The following HECTD4 variants were observed in gnomAD, a reference collection of about 807,000 sequenced individuals.
HECTD4 encodes the protein HECT domain E3 ubiquitin protein ligase 4, also known as probable E3 ubiquitin-protein ligase HECTD4.
Under a neutral mutation model 471.5 loss-of-function variants are expected in HECTD4, and 114 were observed. The ratio of observed to expected loss-of-function variants is 0.24; its 90% CI spans 0.21 to 0.28. The LOEUF is 0.28. HECTD4 is among the 10% of genes least tolerant of loss of function. The probability of loss-of-function intolerance (pLI) is 1.00; values close to 1 mark genes in which losing one functional copy is unlikely to be tolerated. For missense variants in HECTD4, 3,866 were observed against 5,651.5 expected (o/e 0.68, Z 10.13); for synonymous variants, 2,012 against 2,256.0 (o/e 0.89, Z 3.07).
chr12:112,360,218 C>A (rs2036424327), intron 1 of HECTD4, among the ~76,000 whole-genome samples: 1 of 152,154 alleles, frequency 6.6e-6, no homozygotes, highest in Non-Finnish European at 1.5e-5. Context: ...ACTTGGGAGG[C>A]TGGGGCAGGA....
chr12:112,164,468 T>G (rs1173404848), intron 72 of HECTD4, among the ~76,000 whole-genome samples, 193 bp from the exon 73 acceptor site: 3 of 152,144 alleles, frequency 2.0e-5, no homozygotes, highest in Non-Finnish European at 4.4e-5. Context: ...CAGGCCAGGC[T>G]AAAGAGACCC....
At chr12:112,182,006 T>C (rs1394134559) in intron 62 of HECTD4, among the ~76,000 whole-genome samples, 1 of 151,868 alleles carries the variant, frequency 6.6e-6, no homozygotes, top group Non-Finnish European at 1.5e-5. Flanking sequence ...GCAGGGAGAA[T>C]TGCTTGAACC....
intron 34 of HECTD4, among the ~76,000 whole-genome samples, chr12:112,237,609 C>T (rs113639762): frequency 6.6e-6 from 1 of 152,168 alleles, no homozygotes; most frequent in African/African-American, 2.4e-5. Context: ...GAGTAACTCC[C>T]GTGTCACCTT....
chr12:112,264,897 T>G (rs950137718), intron 16 of HECTD4, among the ~76,000 whole-genome samples: 1 of 152,196 alleles, frequency 6.6e-6, no homozygotes, highest in African/African-American at 2.4e-5. Flanking sequence ...CCTGAGTAGC[T>G]GGGATTACCG....
intron 18 of HECTD4, among the ~76,000 whole-genome samples, chr12:112,259,498 C>CA (rs1170308268): frequency 1.4e-5 from 2 of 147,250 alleles, no homozygotes; most frequent in South Asian, 2.1e-4. Flanking sequence ...TGATTTTTGC[C>CA]AAAAAATTTA....
chr12:112,180,932 A>C (rs2031646653), intron 62 of HECTD4, among the ~76,000 whole-genome samples: 1 of 152,096 alleles, frequency 6.6e-6, no homozygotes, highest in African/African-American at 2.4e-5. Context: ...GCAGTATTTT[A>C]ATCAGTCAAA....
Position 112,162,634 on chromosome 12 carries a change from A to C in HECTD4, c.13121-111T>G. 2 of 1,307,218 alleles carry C rather than the reference A, an allele frequency of 1.5e-6. No homozygotes were observed. The highest frequency in any genetic ancestry group is 2.1e-6 in the Non-Finnish European group (2 of 938,442). 81.0% of individuals were successfully genotyped at this position (1,307,218 alleles called of 1,614,324 possible). On this transcript the variant is annotated intron_variant, in intron 75 of 75. Coordinates refer to ENST00000682272, the MANE Select transcript of HECTD4 (RefSeq NM_001388303.1). The surrounding 1 kb of genome is among the most constrained non-coding windows in gnomAD (Gnocchi z 5.2). ...TTGCCTCCTTGGGTAGCCCCAAGCC[A>C]ATCCTGGGGCCCAGCAGGAGGGGGA...
intron 34 of HECTD4, 21 bp from the exon 35 acceptor site, chr12:112,237,119 A>T: frequency 6.5e-7 from 1 of 1,533,382 alleles, no homozygotes; most frequent in Non-Finnish European, 8.8e-7. Context: ...AAAGAAAGAA[A>T]AAAAGAGATT....
At chr12:112,301,545 C>T (rs1252034861) in intron 7 of HECTD4, among the ~76,000 whole-genome samples, 2 of 152,160 alleles carry the variant, frequency 1.3e-5, no homozygotes, top group Non-Finnish European at 2.9e-5. Context: ...TTTGGAACTC[C>T]TATTAGCAAG....
intron 1 of HECTD4, among the ~76,000 whole-genome samples, chr12:112,374,852 T>C (rs1284487069): frequency 6.6e-6 from 1 of 152,250 alleles, no homozygotes; most frequent in Non-Finnish European, 1.5e-5. Flanking sequence ...CCTTTTCTTA[T>C]CTGGCAAAAC....
chr12:112,204,369 A>T, intron 53 of HECTD4, 117 bp downstream of exon 53: 1 of 1,008,360 alleles, frequency 9.9e-7, no homozygotes, highest in Non-Finnish European at 1.5e-6. Flanking sequence ...AGGTTAGCCC[A>T]GTCGGAGTAA....
At chr12:112,296,102 A>G (rs2035004404) in intron 7 of HECTD4, among the ~76,000 whole-genome samples, 1 of 152,222 alleles carries the variant, frequency 6.6e-6, no homozygotes, top group African/African-American at 2.4e-5. Context: ...AGCATGGCTA[A>G]GTGGCATGAA....
intron 54 of HECTD4, 71 bp from the exon 55 acceptor site, chr12:112,200,869 G>T: frequency 7.4e-7 from 1 of 1,345,312 alleles, no homozygotes; most frequent in Non-Finnish European, 1.0e-6. Context: ...GCGTGCGTGT[G>T]TGTGTGCGTG....
intron 9 of HECTD4, among the ~76,000 whole-genome samples, chr12:112,278,786 G>C (rs2034577595): frequency 6.6e-6 from 1 of 152,200 alleles, no homozygotes; most frequent in Non-Finnish European, 1.5e-5. Context: ...TCAGCTACTA[G>C]GGAGGCTGAG....
At chr12:112,180,278 T>G (rs2031617550) in intron 62 of HECTD4, among the ~76,000 whole-genome samples, 2 of 152,138 alleles carry the variant, frequency 1.3e-5, no homozygotes, top group Non-Finnish European at 2.9e-5. Context: ...CCAGGTGCGG[T>G]AGCTCACACC....
At position 112,184,621 on chromosome 12, in the gene HECTD4, C is replaced by T. The variant is rs764250366; in HGVS notation, c.10345G>A (p.Glu3449Lys). ...GGCTCAACTTTCCCGTCCCCGCCCT[C>T]GGCCTTGTCTTTTGGCTTCTTGGTG... ...EDTKKPKDKA[E>K]GGDGKVEPEK... Residue 3449 changes from glutamate to lysine, a missense_variant, in exon 61 of 76, where the codon GAG becomes AAG. Coordinates refer to ENST00000682272, the MANE Select transcript of HECTD4 (RefSeq NM_001388303.1). The surrounding 1 kb of genome is among the most constrained non-coding windows in gnomAD (Gnocchi z 9.1). The T allele has an allele frequency of 3.1e-6, 5 of 1,613,896 alleles. No homozygotes were observed. Among genetic ancestry groups the T allele is most frequent in the South Asian group, 1.1e-5 (1 of 91,086 alleles).
At chr12:112,375,278 G>C (rs573614671) in intron 1 of HECTD4, among the ~76,000 whole-genome samples, 4 of 152,270 alleles carry the variant, frequency 2.6e-5, no homozygotes, top group Admixed American at 2.6e-4. Context: ...TACCACATTT[G>C]TTTATCCATT....
chr12:112,343,407 C>A (rs554385762), intron 1 of HECTD4, among the ~76,000 whole-genome samples: 1 of 152,228 alleles, frequency 6.6e-6, no homozygotes, highest in South Asian at 2.1e-4. Context: ...ATGTACAAAG[C>A]AGTAATATGC....
chr12:112,177,671 C>G (rs1226130560), intron 64 of HECTD4, among the ~76,000 whole-genome samples: 1 of 152,188 alleles, frequency 6.6e-6, no homozygotes, highest in Non-Finnish European at 1.5e-5. Flanking sequence ...TGAGCCACCG[C>G]GCCCGGCCTA....
Sources: gnomAD v4.1 joint callset for allele counts (sites outside exome capture counted in the v4.1 genomes callset) on GRCh38, gnomAD v4.1.1 for gene constraint, Gnocchi (gnomAD v3.1) non-coding constraint, MANE v1.5 for transcripts, NCBI Gene and HGNC (gene_info 2026-07-23, HGNC 2026-07-21) for gene names.